Variants in TRIQK observed in about 807,000 individuals in gnomAD.
TRIQK encodes the protein triple QxxK/R motif containing.
TRIQK carries 10 observed loss-of-function variants against 10.8 expected under a neutral mutation model. The ratio of observed to expected loss-of-function variants is 0.92; its 90% CI spans 0.57 to 1.57. TRIQK has a LOEUF of 1.57. TRIQK is among the 40% of genes most tolerant of loss of function. The pLI is 0.00. For synonymous variants in TRIQK, 33 were observed against 33.7 expected, an observed-to-expected ratio of 0.98 and a Z score of 0.07; for missense variants, 107 against 97.7, an observed-to-expected ratio of 1.09 and a Z score of -0.40.
At chr8:92,954,274 T>C (rs1563658729) in intron 2 of TRIQK, 132 bp downstream of exon 2, 1 of 151,868 alleles carries the variant, frequency 6.6e-6, no homozygotes, top group Non-Finnish European at 1.5e-5. Flanking sequence ...CTGCCTTCCA[T>C]AAGAAAAACC....
chr8:92,979,387 T>G (rs1199177625), intron 1 of TRIQK, among the ~76,000 whole-genome samples: 1 of 152,134 alleles, frequency 6.6e-6, no homozygotes, highest in Non-Finnish European at 1.5e-5. Context: ...TGTTTTTAGT[T>G]GTTTTCACTG....
rs539769999 is a variant in TRIQK, at chr8:92,974,853, C to T, written c.-180-20289G>A. On this transcript the variant is annotated intron_variant, in intron 1 of 4. Coordinates refer to the TRIQK transcript ENST00000520686. The stretch of plus-strand genomic sequence containing the variant: ...CCCATGGGCACCTTACCAGTTTTAG[C>T]CTTATGTCTTCTGCAGGGCCTTGCC... The T allele has an allele frequency of 2.2e-4, 34 of 152,266 alleles. 1 individual carries two copies. Among genetic ancestry groups the T allele is most frequent in the Admixed American group, 1.4e-3 (21 of 15,298 alleles). 9.4% of individuals were successfully genotyped at this position (152,266 alleles called of 1,614,324 possible).
chr8:92,966,771 A>C (rs1269211334), upstream of TRIQK, among the ~76,000 whole-genome samples: 2 of 152,182 alleles, frequency 1.3e-5, no homozygotes, highest in Non-Finnish European at 2.9e-5. Context: ...AACACAGGCT[A>C]GGAAAGGCTA....
At chr8:92,985,832 G>A (rs1406024145) in intron 1 of TRIQK, among the ~76,000 whole-genome samples, 1 of 152,042 alleles carries the variant, frequency 6.6e-6, no homozygotes. Context: ...CATATTTACA[G>A]GCCAGGAAGC....
intron 3 of TRIQK, among the ~76,000 whole-genome samples, chr8:92,912,262 T>C (rs536014292): frequency 1.3e-5 from 2 of 151,024 alleles, no homozygotes; most frequent in East Asian, 3.9e-4. Context: ...TAGAAATCAA[T>C]AACAAAAGGA....
intron 2 of TRIQK, among the ~76,000 whole-genome samples, chr8:92,942,132 C>T (rs983139533): frequency 2.0e-5 from 3 of 152,040 alleles, no homozygotes; most frequent in South Asian, 2.1e-4. Context: ...AAAAAGAAAA[C>T]TACTCTGATG....
chr8:92,943,102 A>C (rs1373224037), intron 2 of TRIQK, among the ~76,000 whole-genome samples: 2 of 152,158 alleles, frequency 1.3e-5, no homozygotes, highest in East Asian at 3.8e-4. Context: ...GACACTTAGT[A>C]ATAAATTTAA....
At chr8:92,973,089 T>C (rs1193946166) in intron 1 of TRIQK, 1 of 152,180 alleles carries the variant, frequency 6.6e-6, no homozygotes, top group Non-Finnish European at 1.5e-5. Flanking sequence ...TCAAAGCAAA[T>C]GTGAGGTAAG....
At chr8:92,902,570 T>G (rs1809005032) in intron 3 of TRIQK, among the ~76,000 whole-genome samples, 1 of 152,204 alleles carries the variant, frequency 6.6e-6, no homozygotes, top group Non-Finnish European at 1.5e-5. Flanking sequence ...TTGCTTCTTA[T>G]GAAGGTGCTT....
At chr8:92,961,046 G>A (rs533955156) in intron 1 of TRIQK, among the ~76,000 whole-genome samples, 123 of 152,072 alleles carry the variant, frequency 8.1e-4, no homozygotes, top group African/African-American at 2.9e-3. Flanking sequence ...TGTGTTGGAC[G>A]GCAAATAACT....
At chr8:92,937,350 T>C (rs978246331) in intron 2 of TRIQK, among the ~76,000 whole-genome samples, 1 of 151,690 alleles carries the variant, frequency 6.6e-6, no homozygotes, top group African/African-American at 2.4e-5. Context: ...TCTGTGGTTA[T>C]ATAGCAGGAA....
At chr8:93,016,066 A>G (rs957754648) in intron 1 of TRIQK, among the ~76,000 whole-genome samples, 2 of 152,222 alleles carry the variant, frequency 1.3e-5, no homozygotes, top group Non-Finnish European at 2.9e-5. Context: ...TAATTCTTGA[A>G]ATCCTCATTG....
chr8:92,986,457 C>T (rs1046277449), intron 1 of TRIQK, among the ~76,000 whole-genome samples: 2 of 152,072 alleles, frequency 1.3e-5, no homozygotes, highest in East Asian at 3.8e-4. Context: ...TAGGAATAAA[C>T]AAGAATATCT....
At chr8:92,985,776 G>A (rs983306783) in intron 1 of TRIQK, among the ~76,000 whole-genome samples, 2 of 152,040 alleles carry the variant, frequency 1.3e-5, no homozygotes, top group African/African-American at 2.4e-5. Flanking sequence ...TTTGTGCCCA[G>A]GCTCTTGTCA....
chr8:92,921,858 T>C (rs1254444458), intron 2 of TRIQK, among the ~76,000 whole-genome samples: 1 of 151,784 alleles, frequency 6.6e-6, no homozygotes, highest in African/African-American at 2.4e-5. Flanking sequence ...TTGAAATCTG[T>C]CCAGACAAAA....
At chr8:92,965,044 A>C (rs1049216339) in intron 1 of TRIQK, 1 of 152,204 alleles carries the variant, frequency 6.6e-6, no homozygotes, top group Non-Finnish European at 1.5e-5. Context: ...GACAGAGTAT[A>C]TGAGCAAACA....
intron 1 of TRIQK, among the ~76,000 whole-genome samples, chr8:92,985,256 A>G (rs1281012318): frequency 6.6e-6 from 1 of 150,798 alleles, no homozygotes; most frequent in Admixed American, 6.6e-5. Flanking sequence ...GCACGCATGC[A>G]CATGCACATG....
At position 93,015,534 on chromosome 8, in the gene TRIQK, A is replaced by G. The variant is rs1050980227; in HGVS notation, c.-181+2075T>C. Among the ~76,000 whole-genome samples, 5 of 151,502 alleles carry G rather than the reference A, an allele frequency of 3.3e-5. No individual in the cohort carries two copies. In the East Asian group the frequency reaches 5.8e-4, roughly 18 times the overall value. On this transcript the variant is annotated intron_variant, in intron 1 of 4. Transcript: ENST00000520686. ...AATTCTAACTAGGAATGACACACAC[A>G]CACAAACCCAAAACGATGGAGAAAG... is the stretch of plus-strand genomic sequence containing the variant.
chr8:92,884,486 T>C lies in TRIQK; in HGVS notation c.*2136A>G, dbSNP rs1366762967. On this transcript the variant is annotated 3_prime_UTR_variant, in exon 5 of 5. Transcript: ENST00000521988. ...ATCAGTCATACGAATGGACTAGCTG[T>C]AGACTCAGGATATCAATAAAACTAG... 3.8e-6 allele frequency: 1 copy of C among 264,898 alleles called. No homozygotes were observed. Among genetic ancestry groups the C allele is most frequent in the Non-Finnish European group, 7.4e-6 (1 of 134,984 alleles). The allele number at this position is 264,898 out of a possible 1,614,324, so 16.4% of individuals were successfully genotyped here.
Sources: gnomAD v4.1 joint callset for allele counts (sites outside exome capture counted in the v4.1 genomes callset) on GRCh38, gnomAD v4.1.1 for gene constraint, MANE v1.5 for transcripts, NCBI Gene and HGNC (gene_info 2026-07-23, HGNC 2026-07-21) for gene names.